Variants in LHFPL6 observed in about 807,000 individuals in gnomAD.
LHFPL6 encodes LHFPL tetraspan subfamily member 6 protein.
LHFPL6 carries 9 observed loss-of-function variants against 20.6 expected under a neutral mutation model. The ratio of observed to expected loss-of-function variants is 0.44; its 90% CI spans 0.26 to 0.76. The LOEUF (loss-of-function observed/expected upper bound fraction) is 0.76, where lower values mean the gene tolerates loss of function less well. Ranked by LOEUF, LHFPL6 falls within the 30% of genes least tolerant of loss-of-function variation. The probability of loss-of-function intolerance (pLI) is 0.20; values close to 1 mark genes in which losing one functional copy is unlikely to be tolerated. For synonymous variants in LHFPL6, 105 were observed against 98.7 expected, an observed-to-expected ratio of 1.06 and a Z score of -0.38; for missense variants, 218 against 253.5, an observed-to-expected ratio of 0.86 and a Z score of 0.95.
chr13:39,488,690 C>T (rs138723865), intron 2 of LHFPL6, among the ~76,000 whole-genome samples: 41 of 152,258 alleles, frequency 2.7e-4, no homozygotes, highest in African/African-American at 4.8e-4. Flanking sequence ...TTATAATCAG[C>T]GCCTAGTAGC....
chr13:39,356,741 A>T (rs1313689084), intron 3 of LHFPL6, among the ~76,000 whole-genome samples: 1 of 152,244 alleles, frequency 6.6e-6, no homozygotes. Context: ...GAACATCTCC[A>T]TGCACACAAA....
chr13:39,364,104 T>C (rs1419591615), intron 3 of LHFPL6, among the ~76,000 whole-genome samples: 2 of 152,190 alleles, frequency 1.3e-5, no homozygotes, highest in Admixed American at 6.5e-5. Flanking sequence ...TGCGTGACTG[T>C]ACTTCATGTC....
intron 2 of LHFPL6, among the ~76,000 whole-genome samples, chr13:39,408,642 T>G (rs564269685): frequency 1.3e-5 from 2 of 152,378 alleles, no homozygotes; most frequent in East Asian, 3.9e-4. Flanking sequence ...TTCCTTATTG[T>G]TGAACTGCTA....
chr13:39,387,471 G>A (rs1469414509), intron 2 of LHFPL6, among the ~76,000 whole-genome samples: 1 of 146,232 alleles, frequency 6.8e-6, no homozygotes, highest in African/African-American at 2.5e-5. Flanking sequence ...CGCTTGAACC[G>A]GGAGGCAGAG....
chr13:39,360,164 G>A lies in LHFPL6; in HGVS notation c.485-16110C>T, dbSNP rs1869841510. Among the ~76,000 whole-genome samples the A allele has an allele frequency of 4.1e-5, 4 of 96,736 alleles. 1 individual carries two copies. The highest frequency in any genetic ancestry group is 1.2e-4 in the African/African-American group (4 of 32,942). The allele number at this position is 96,736 out of a possible 152,430, so 63.5% of individuals were successfully genotyped here. A position where few individuals can be genotyped will look rare whatever the true frequency, so the allele number is the denominator to read the frequency against. On this transcript the variant is annotated intron_variant, in intron 3 of 3. Transcript: ENST00000379589. ...GCCTCCAGAGTAGCTGGGATTACAG[G>A]AGTCCGCCACCACGCCCGGCTAATT...
Position 39,534,318 on chromosome 13 carries a change from G to A in LHFPL6, c.385+66514C>T, listed in dbSNP as rs151192211. Among the ~76,000 whole-genome samples, 12 of 152,204 alleles carry A rather than the reference G, an allele frequency of 7.9e-5. No individual in the cohort carries two copies. In the East Asian group the frequency reaches 2.3e-3, roughly 29 times the overall value. On this transcript the variant is annotated intron_variant, in intron 2 of 3. Transcript: ENST00000379589. ...TGTTAATCCTCCTGCCCTCACCCAAGATAGATTAAATAAAATATGTAAGCC... is the reference window on the plus strand; with the variant it reads ...TGTTAATCCTCCTGCCCTCACCCAAAATAGATTAAATAAAATATGTAAGCC...
intron 2 of LHFPL6, among the ~76,000 whole-genome samples, chr13:39,389,154 G>A (rs10467465): frequency 0.11 from 16,832 of 152,164 alleles, 1,046 homozygotes; most frequent in African/African-American, 0.17. Flanking sequence ...CAAGTTGCCC[G>A]ATTCTGTGCA....
chr13:39,404,276 A>G (rs950578090), intron 2 of LHFPL6, among the ~76,000 whole-genome samples: 1 of 152,164 alleles, frequency 6.6e-6, no homozygotes, highest in Non-Finnish European at 1.5e-5. Flanking sequence ...TCATGACCAA[A>G]CTAGTTTAGT....
At chr13:39,553,548 C>T (rs1365842018) in intron 2 of LHFPL6, among the ~76,000 whole-genome samples, 1 of 150,968 alleles carries the variant, frequency 6.6e-6, no homozygotes, top group African/African-American at 2.4e-5. Context: ...TTCATCTCTA[C>T]AAAAAAAAAT....
intron 2 of LHFPL6, among the ~76,000 whole-genome samples, chr13:39,525,202 T>C (rs1395947999): frequency 1.3e-5 from 2 of 152,158 alleles, no homozygotes; most frequent in Non-Finnish European, 2.9e-5. Flanking sequence ...CGATGTCCTA[T>C]TCCTAACTCT....
Position 39,567,576 on chromosome 13 carries a change from T to C in LHFPL6, c.385+33256A>G, listed in dbSNP as rs148653943. Among the ~76,000 whole-genome samples, 246 of 152,254 alleles carry C rather than the reference T, an allele frequency of 1.6e-3. 1 individual carries two copies. In the Middle Eastern group the frequency reaches 0.024, roughly 15 times the overall value. On this transcript the variant is annotated intron_variant, in intron 2 of 3. Transcript: ENST00000379589. ...TTTCTTCCTCTTCTTCCTCTTCCTA[T>C]TTCTCTCCCTTCCTCTCCTCTTCTA...
chr13:39,549,383 C>T (rs1871080976), intron 2 of LHFPL6, among the ~76,000 whole-genome samples: 1 of 152,072 alleles, frequency 6.6e-6, no homozygotes, highest in South Asian at 2.1e-4. Flanking sequence ...AGCAATTAAA[C>T]TGCTAGAAAA....
intron 2 of LHFPL6, among the ~76,000 whole-genome samples, chr13:39,393,780 G>A (rs527724885): frequency 9.9e-5 from 15 of 152,046 alleles, no homozygotes; most frequent in South Asian, 8.3e-4. Flanking sequence ...ATTTATTCTC[G>A]TTCTAGAGAC....
At chr13:39,553,203 T>C (rs1050799631) in intron 2 of LHFPL6, among the ~76,000 whole-genome samples, 1 of 152,210 alleles carries the variant, frequency 6.6e-6, no homozygotes, top group Non-Finnish European at 1.5e-5. Flanking sequence ...TGGAATACAA[T>C]TTAGAAATTA....
In LHFPL6 at chr13:39,477,642, G is replaced by A. The variant is rs561916953; in HGVS notation, c.386-99116C>T. 2.6e-5 allele frequency among the ~76,000 whole-genome samples: 4 copies of A among 152,258 alleles called. No homozygotes were observed. In the South Asian group the frequency reaches 8.3e-4, roughly 32 times the overall value. On this transcript the variant is annotated intron_variant, in intron 2 of 3. Coordinates refer to ENST00000379589, the MANE Select transcript of LHFPL6 (RefSeq NM_005780.3). Reference sequence around the variant, plus strand: ...CCTTCGATAAAACATAATGCCTTTTGTTTGCCAGTGAATAACCTGTATCTC... The same window carrying A: ...CCTTCGATAAAACATAATGCCTTTTATTTGCCAGTGAATAACCTGTATCTC...
At chr13:39,390,224 A>G (rs1870669950) in intron 2 of LHFPL6, among the ~76,000 whole-genome samples, 1 of 152,182 alleles carries the variant, frequency 6.6e-6, no homozygotes, top group Non-Finnish European at 1.5e-5. Flanking sequence ...CTACAAATTT[A>G]TATAGACTCT....
chr13:39,548,490 G>A (rs1871046824), intron 2 of LHFPL6, among the ~76,000 whole-genome samples: 1 of 151,998 alleles, frequency 6.6e-6, no homozygotes. Flanking sequence ...CTAGGCATGG[G>A]ACACATGGAG....
chr13:39,569,365 G>C (rs1363737845), intron 2 of LHFPL6, among the ~76,000 whole-genome samples: 2 of 152,126 alleles, frequency 1.3e-5, no homozygotes, highest in Non-Finnish European at 2.9e-5. Context: ...ACTTCAGCAA[G>C]CATAAATAGG....
At chr13:39,438,394 T>A (rs1272413607) in intron 2 of LHFPL6, among the ~76,000 whole-genome samples, 7 of 152,228 alleles carry the variant, frequency 4.6e-5, no homozygotes, top group Non-Finnish European at 1.0e-4. Context: ...CTGGAACTTA[T>A]ATTTAAAAGG....
Sources: gnomAD v4.1 joint callset for allele counts (sites outside exome capture counted in the v4.1 genomes callset) on GRCh38, gnomAD v4.1.1 for gene constraint, MANE v1.5 for transcripts, NCBI Gene and HGNC (gene_info 2026-07-23, HGNC 2026-07-21) for gene names.